The following MEGF8 variants were observed in gnomAD, a reference collection of about 807,000 sequenced individuals.
MEGF8 encodes multiple epidermal growth factor-like domains protein 8.
A neutral mutation model predicts 302.9 loss-of-function variants in MEGF8; 156 were observed. The ratio of observed to expected loss-of-function variants is 0.52; its 90% CI spans 0.45 to 0.59. MEGF8 has a LOEUF of 0.59. Among genes scored for constraint, MEGF8 ranks in the 20% least tolerant of loss-of-function variants. The pLI is 0.00. For missense variants in MEGF8, 3,345 were observed against 3,964.5 expected (o/e 0.84, Z 4.20); for synonymous variants, 1,621 against 1,660.5 (o/e 0.98, Z 0.58).
At position 42,369,333 on chromosome 19, in the gene MEGF8, G is replaced by T. The variant is rs1277032078; in HGVS notation, c.6642-198G>T. ...ACAAAAAAATAAAAAAGAAAATAGG[G>T]TACCCTCAAAAGAGGAGAGAGGGTT... On this transcript the variant is annotated intron_variant, in intron 37 of 41. Transcript: ENST00000251268. This position sits in a 1 kb window ranked among gnomAD's most constrained non-coding sequence, Gnocchi z 5.7. Among the ~76,000 whole-genome samples the T allele has an allele frequency of 6.6e-6, 1 of 152,186 alleles. No individual in the cohort carries two copies. The highest frequency in any genetic ancestry group is 2.4e-5 in the African/African-American group (1 of 41,442).
chr19:42,343,376 C>T (rs1339669290), intron 8 of MEGF8, 101 bp from the exon 9 acceptor site: 10 of 1,354,654 alleles, frequency 7.4e-6, no homozygotes, highest in South Asian at 4.7e-5. Context: ...AAGCAGCCAC[C>T]GGAATAGAAG....
At chr19:42,347,489 T>C (rs1342063680) in intron 12 of MEGF8, among the ~76,000 whole-genome samples, 2 of 151,874 alleles carry the variant, frequency 1.3e-5, no homozygotes, top group Non-Finnish European at 2.9e-5. Flanking sequence ...GGCTGTTTTT[T>C]GTATTTTTTT....
At position 42,325,960 on chromosome 19, in the gene MEGF8, G is replaced by C. The variant is rs1040282535; in HGVS notation, c.-284G>C. ...TGGGATCGGCCCCCTATGGAGCCCT[G>C]TGTCTATAGGGGACTCCTACGGTCC... On this transcript the variant is annotated 5_prime_UTR_variant, in exon 1 of 42. Transcript: ENST00000251268. 5.4e-6 allele frequency: 2 copies of C among 369,178 alleles called. No individual in the cohort carries two copies. Among genetic ancestry groups the C allele is most frequent in the Non-Finnish European group, 4.8e-6 (1 of 209,096 alleles). The allele number at this position is 369,178 out of a possible 1,614,324, so 22.9% of individuals were successfully genotyped here. A position where few individuals can be genotyped will look rare whatever the true frequency, so the allele number is the denominator to read the frequency against.
rs75621534 is a variant in MEGF8, at chr19:42,341,727, G to C, written c.1514-1750G>C. On this transcript the variant is annotated intron_variant, in intron 8 of 41. Coordinates refer to ENST00000251268, the MANE Select transcript of MEGF8 (RefSeq NM_001271938.2). ...CTCCCAACGTGCTGTGATTATAGACGTGAACTACCACGCCCAGACATATTG... is the reference window on the plus strand; with the variant it reads ...CTCCCAACGTGCTGTGATTATAGACCTGAACTACCACGCCCAGACATATTG... Among the ~76,000 whole-genome samples, 1,147 of 152,232 alleles carry C rather than the reference G, an allele frequency of 7.5e-3. 21 individuals carry two copies. The highest frequency in any genetic ancestry group is 0.026 in the African/African-American group (1,096 of 41,520).
Position 42,358,143 on chromosome 19 carries a change from G to T in MEGF8, c.5012-1G>T. ...CAGCCTGTCACCCTGCCCCTCACCAGGTCTCTATGGTCACTCTGCTGTCTA... is the reference window on the plus strand; with the variant it reads ...CAGCCTGTCACCCTGCCCCTCACCATGTCTCTATGGTCACTCTGCTGTCTA... On this transcript the variant is annotated splice_acceptor_variant, in intron 28 of 41. Transcript: ENST00000251268. LOFTEE classifies it high-confidence loss of function. This position sits in a 1 kb window ranked among gnomAD's most constrained non-coding sequence, Gnocchi z 4.4. 1 of 1,575,640 alleles carries T rather than the reference G, an allele frequency of 6.3e-7. No homozygotes were observed. The highest frequency in any genetic ancestry group is 2.3e-5 in the East Asian group (1 of 42,768).
chr19:42,357,297 C>A lies in MEGF8; in HGVS notation c.4831-107C>A. 1 of 1,379,416 alleles carries A rather than the reference C, an allele frequency of 7.2e-7. No individual in the cohort carries two copies. The highest frequency in any genetic ancestry group is 9.9e-7 in the Non-Finnish European group (1 of 1,007,814). The allele number at this position is 1,379,416 out of a possible 1,614,324, so 85.4% of individuals were successfully genotyped here. A position where few individuals can be genotyped will look rare whatever the true frequency, so the allele number is the denominator to read the frequency against. ...CGACTGGCCCTGGGGGGGTCATTCC[C>A]TCCTTAGTACTTCAGGGAGGACTGT... On this transcript the variant is annotated intron_variant, in intron 27 of 41. Transcript: ENST00000251268. This position sits in a 1 kb window ranked among gnomAD's most constrained non-coding sequence, Gnocchi z 5.2.
chr19:42,337,313 G>A (rs1032322806), intron 8 of MEGF8, 107 bp downstream of exon 8: 4 of 1,508,570 alleles, frequency 2.7e-6, no homozygotes, highest in African/African-American at 2.7e-5. Flanking sequence ...CTGACATCCA[G>A]GCCAGTTGGT....
chr19:42,360,345 GTT>G (rs1199801761), intron 31 of MEGF8, among the ~76,000 whole-genome samples: 8 of 127,458 alleles, frequency 6.3e-5, no homozygotes, highest in Admixed American at 1.6e-4. Flanking sequence ...TGCTTCTGCT[GTT>G]TTTTTTTTTT....
At position 42,356,959 on chromosome 19, in the gene MEGF8, C is replaced by T. The variant is rs2147486580; in HGVS notation, c.4808C>T (p.Thr1603Ile). The T allele has an allele frequency of 3.1e-6, 5 of 1,607,606 alleles. No homozygotes were observed. The highest frequency in any genetic ancestry group is 4.5e-5 in the East Asian group (2 of 44,696). The change falls in exon 27 of 42, where the codon ACC becomes ATC. Residue 1603 changes from threonine (T) to isoleucine (I), a missense_variant. Coordinates refer to ENST00000251268, the MANE Select transcript of MEGF8 (RefSeq NM_001271938.2). The surrounding 1 kb of genome is among the most constrained non-coding windows in gnomAD (Gnocchi z 5.2). The part of the protein sequence containing the change: ...TRDFWVLNLT[T>I]LQWRQEKAPQ... ...GATTTCTGGGTCCTCAACCTCACCA[C>T]CCTGCAATGGCGGCAGGAGAAGGTG...
Position 42,356,832 on chromosome 19 carries a change from C to G in MEGF8, c.4681C>G (p.Pro1561Ala). Residue 1561 changes from proline to alanine, a missense_variant, in exon 27 of 42, where the codon CCA (proline) becomes GCA (alanine). Pro to Ala is a conservative substitution (Grantham distance 27). Coordinates refer to ENST00000251268, the MANE Select transcript of MEGF8 (RefSeq NM_001271938.2). The surrounding 1 kb of genome is among the most constrained non-coding windows in gnomAD (Gnocchi z 5.2). ...QMLAGAEDGG[P>A]GPSPRSFHAA... ...GCTGGCGGGAGCCGAGGACGGGGGCCCAGGCCCATCGCCCCGCTCCTTCCA... is the reference window on the plus strand; with the variant it reads ...GCTGGCGGGAGCCGAGGACGGGGGCGCAGGCCCATCGCCCCGCTCCTTCCA... 6.4e-7 allele frequency: 1 copy of G among 1,562,658 alleles called. No homozygotes were observed. Among genetic ancestry groups the G allele is most frequent in the Non-Finnish European group, 8.7e-7 (1 of 1,153,634 alleles).
intron 12 of MEGF8, among the ~76,000 whole-genome samples, chr19:42,347,141 C>G (rs565428148): frequency 2.0e-5 from 3 of 152,200 alleles, no homozygotes; most frequent in African/African-American, 7.2e-5. Context: ...CCTGGAAGAT[C>G]CATTTGGGTT....
At position 42,335,137 on chromosome 19, in the gene MEGF8, A is replaced by C; in HGVS notation, c.661A>C (p.Arg221=). The change falls in exon 4 of 42, where the codon AGG becomes CGG. Residue 221 remains arginine (R), a synonymous_variant. Transcript: ENST00000251268. ...GAGWWHNVSA[R]DPAFSARIGA... ...TGGGTGGTGGCACAACGTGAGTGCC[A>C]GGGACCCTGCCTTCTCTGCCCGTAT... 1 of 1,613,894 alleles carries C rather than the reference A, an allele frequency of 6.2e-7. No homozygotes were observed. The highest frequency in any genetic ancestry group is 8.5e-7 in the Non-Finnish European group (1 of 1,179,842).
Position 42,354,867 on chromosome 19 carries a change from C to G in MEGF8, c.4144+147C>G. 2 of 885,994 alleles carry G rather than the reference C, an allele frequency of 2.3e-6. No homozygotes were observed. The highest frequency in any genetic ancestry group is 3.3e-6 in the Non-Finnish European group (2 of 610,658). The allele number at this position is 885,994 out of a possible 1,614,324, so 54.9% of individuals were successfully genotyped here. The stretch of plus-strand genomic sequence containing the variant: ...CCTCACCATCTCTGGACCTCAGTGT[C>G]CTTAGTTGAGAGGAAAATAGGATTG... On this transcript the variant is annotated intron_variant, in intron 23 of 41. Transcript: ENST00000251268. This position sits in a 1 kb window ranked among gnomAD's most constrained non-coding sequence, Gnocchi z 4.3.
intron 2 of MEGF8, 58 bp from the exon 3 acceptor site, chr19:42,333,949 C>G (rs1005169226): frequency 1.9e-6 from 3 of 1,556,596 alleles, no homozygotes; most frequent in Non-Finnish European, 8.7e-7. Context: ...AGTGGGCCAC[C>G]CTCCCAGGAC....
chr19:42,353,303 G>A lies in MEGF8; in HGVS notation c.3551-162G>A, dbSNP rs2039403428. ...TCAGTGCCACCCGTCACTCTGGTTG[G>A]GCTTCAGTTCCCCCTCTTGGGACTT... On this transcript the variant is annotated intron_variant, in intron 20 of 41. Coordinates refer to ENST00000251268, the MANE Select transcript of MEGF8 (RefSeq NM_001271938.2). This position sits in a 1 kb window ranked among gnomAD's most constrained non-coding sequence, Gnocchi z 6.1. Among the ~76,000 whole-genome samples the A allele has an allele frequency of 6.6e-6, 1 of 152,224 alleles. No homozygotes were observed. Among genetic ancestry groups the A allele is most frequent in the South Asian group, 2.1e-4 (1 of 4,832 alleles).
Position 42,348,388 on chromosome 19 carries a change from G to T in MEGF8, c.2214G>T (p.Gly738=). 1 of 1,537,318 alleles carries T rather than the reference G, an allele frequency of 6.5e-7. No homozygotes were observed. The highest frequency in any genetic ancestry group is 8.7e-7 in the Non-Finnish European group (1 of 1,146,894). The change falls in exon 13 of 42, where the codon GGG becomes GGT. Residue 738 remains glycine (G), a synonymous_variant. Coordinates refer to ENST00000251268, the MANE Select transcript of MEGF8 (RefSeq NM_001271938.2). ...TGCCTGGAGGGCCAGGTGGACCAGG[G>T]GCTGAGGACGTGGCCGTGTGGACGC... The part of the protein sequence containing the change: ...PMLPGGPGGP[G]AEDVAVWTRA...
chr19:42,339,185 G>A (rs923393335), intron 8 of MEGF8, among the ~76,000 whole-genome samples: 20 of 152,138 alleles, frequency 1.3e-4, no homozygotes, highest in African/African-American at 4.8e-4. Flanking sequence ...TTGATTCCAT[G>A]TCTTTGCTAT....
chr19:42,369,431 G>A lies in MEGF8; in HGVS notation c.6642-100G>A. On this transcript the variant is annotated intron_variant, in intron 37 of 41. Coordinates refer to ENST00000251268, the MANE Select transcript of MEGF8 (RefSeq NM_001271938.2). The surrounding 1 kb of genome is among the most constrained non-coding windows in gnomAD (Gnocchi z 5.7). ...TAGCAACGGGACAGAGCAGGGATGA[G>A]CAACCAGTTGAGAAGAGGGTGGGGT... 4.7e-6 allele frequency: 6 copies of A among 1,264,348 alleles called. No homozygotes were observed. The highest frequency in any genetic ancestry group is 6.6e-6 in the Non-Finnish European group (6 of 908,210). The allele number at this position is 1,264,348 out of a possible 1,614,324, so 78.3% of individuals were successfully genotyped here.
At chr19:42,328,061 C>G (rs949274522) in intron 1 of MEGF8, among the ~76,000 whole-genome samples, 10 of 152,328 alleles carry the variant, frequency 6.6e-5, no homozygotes, top group Admixed American at 1.3e-4. Flanking sequence ...ACGCTCCAGT[C>G]TGGGCGGCAG....
Sources: allele counts gnomAD v4.1 joint callset (sites outside exome capture counted in the v4.1 genomes callset), GRCh38; gene constraint gnomAD v4.1.1; non-coding constraint Gnocchi (gnomAD v3.1); transcripts MANE v1.5; gene names NCBI Gene and HGNC (gene_info 2026-07-23, HGNC 2026-07-21).